ESR1: variants seen among roughly 807,000 people sequenced by gnomAD.
ESR1 encodes estrogen receptor.
In ESR1, 12 loss-of-function variants were observed where a neutral mutation model predicts 52.7. That is an observed-to-expected ratio of 0.23 (90% CI 0.15 to 0.37). The LOEUF (loss-of-function observed/expected upper bound fraction) is 0.37. Ranked by LOEUF, ESR1 falls within the 10% of genes least tolerant of loss-of-function variation. The pLI is 1.00. For missense variants in ESR1, 584 were observed against 779.7 expected (o/e 0.75, Z 2.99); for synonymous variants, 305 against 316.8 (o/e 0.96, Z 0.39).
At chr6:151,708,370 G>A (rs2127994804) in intron 2 of ESR1, among the ~76,000 whole-genome samples, 1 of 152,220 alleles carries the variant, frequency 6.6e-6, no homozygotes, top group African/African-American at 2.4e-5. Context: ...AAAAAGTGCT[G>A]TCATTACAAA....
At position 152,065,294 on chromosome 6, in the gene ESR1, C is replaced by A. The variant is rs146985364; in HGVS notation, c.1369+4170C>A. Among the ~76,000 whole-genome samples, 17 of 152,206 alleles carry A rather than the reference C, an allele frequency of 1.1e-4. No homozygotes were observed. In the East Asian group the frequency reaches 3.3e-3, roughly 29 times the overall value. ...GTGATTGGGACTTACCGTTGAGAGA[C>A]CCTGATGAAAACTCTATGGTGAATT... On this transcript the variant is annotated intron_variant, in intron 6 of 7. Transcript: ENST00000206249.
At chr6:152,107,165 T>A (rs73781639), downstream of ESR1, among the ~76,000 whole-genome samples, 105 of 152,314 alleles carry the variant, frequency 6.9e-4, no homozygotes, top group African/African-American at 2.4e-3. Context: ...TTTCAGCCAT[T>A]GTTTTTTCAA....
chr6:152,080,296 G>A (rs2049086909), intron 6 of ESR1, among the ~76,000 whole-genome samples: 1 of 141,552 alleles, frequency 7.1e-6, no homozygotes, highest in Non-Finnish European at 1.5e-5. Context: ...GGATCTCTCA[G>A]CAGAAACCCT....
chr6:152,026,788 T>G (rs2044180716), intron 5 of ESR1, among the ~76,000 whole-genome samples: 1 of 152,160 alleles, frequency 6.6e-6, no homozygotes, highest in African/African-American at 2.4e-5. Context: ...GCTAGTAACT[T>G]AATTCCTGAG....
At chr6:151,741,268 T>C (rs1783076392) in intron 2 of ESR1, among the ~76,000 whole-genome samples, 1 of 152,178 alleles carries the variant, frequency 6.6e-6, no homozygotes, top group African/African-American at 2.4e-5. Flanking sequence ...TTAGCTTAAA[T>C]GTGTTGCACT....
intron 4 of ESR1, among the ~76,000 whole-genome samples, chr6:151,965,748 C>T (rs1239687769): frequency 6.6e-6 from 1 of 152,042 alleles, no homozygotes; most frequent in Non-Finnish European, 1.5e-5. Context: ...ATAATTTGTA[C>T]ATTTACCCTT....
chr6:151,981,736 T>C (rs1382700279), intron 4 of ESR1, among the ~76,000 whole-genome samples: 1 of 152,238 alleles, frequency 6.6e-6, no homozygotes, highest in Non-Finnish European at 1.5e-5. Flanking sequence ...ATCTGAACTA[T>C]ATTGAACTTT....
In ESR1 at chr6:151,808,353, G is replaced by C. The variant is rs755864450; in HGVS notation, c.441G>C (p.Pro147=). Residue 147 remains proline, a synonymous_variant, in exon 1 of 8, where the codon CCG becomes CCC. Transcript: ENST00000206249. ...ACACGGTGCGCGAGGCCGGCCCGCC[G>C]GCATTCTACAGGTACCCGCGCCCGC... is the stretch of plus-strand genomic sequence containing the variant. ...SGYTVREAGP[P]AFYRPNSDNR... 7 of 1,512,760 alleles carry C rather than the reference G, an allele frequency of 4.6e-6. No homozygotes were observed. The South Asian group carries it at 5.1e-5, about 11-fold the overall frequency. 93.7% of individuals were successfully genotyped at this position (1,512,760 alleles called of 1,614,324 possible). A position where few individuals can be genotyped will look rare whatever the true frequency, so the allele number is the denominator to read the frequency against.
intron 2 of ESR1, among the ~76,000 whole-genome samples, chr6:151,877,965 A>G (rs1792134917): frequency 6.6e-6 from 1 of 151,830 alleles, no homozygotes; most frequent in African/African-American, 2.4e-5. Flanking sequence ...ATGTGCCATC[A>G]TGCCAGGCTA....
chr6:151,809,259 T>A, intron 1 of ESR1: 1 of 407,424 alleles, frequency 2.5e-6, no homozygotes, highest in South Asian at 1.8e-5. Context: ...ACTTTGTGAC[T>A]TCAATGGCGA....
At chr6:151,834,311 A>G (rs1306207685) in intron 1 of ESR1, among the ~76,000 whole-genome samples, 1 of 152,246 alleles carries the variant, frequency 6.6e-6, no homozygotes, top group Non-Finnish European at 1.5e-5. Context: ...ATGCCCATCA[A>G]TGATAGACTG....
At chr6:152,019,197 G>T (rs978033838) in intron 5 of ESR1, among the ~76,000 whole-genome samples, 1 of 152,114 alleles carries the variant, frequency 6.6e-6, no homozygotes, top group Non-Finnish European at 1.5e-5. Flanking sequence ...CATTTGACTA[G>T]AAATCAATTG....
intron 4 of ESR1, among the ~76,000 whole-genome samples, chr6:151,995,345 C>T (rs569997700): frequency 6.6e-6 from 1 of 152,116 alleles, no homozygotes. Flanking sequence ...ATCCATCCAT[C>T]CTTCCATCCA....
intron 2 of ESR1, among the ~76,000 whole-genome samples, chr6:151,876,409 G>A (rs993588460): frequency 6.6e-6 from 1 of 152,142 alleles, no homozygotes; most frequent in African/African-American, 2.4e-5. Context: ...ACGGAAAAGA[G>A]GTGACAAAAG....
At chr6:151,689,399 T>C (rs2982573), upstream of ESR1, among the ~76,000 whole-genome samples, 59,180 of 152,020 alleles carry the variant, frequency 0.39, 11,867 homozygotes, top group Non-Finnish European at 0.43. Flanking sequence ...AGATTTTATG[T>C]TCAGTCAATT....
At chr6:151,816,212 G>T (rs958773775) in intron 1 of ESR1, among the ~76,000 whole-genome samples, 9 of 152,268 alleles carry the variant, frequency 5.9e-5, no homozygotes, top group South Asian at 2.1e-4. Context: ...CAATGCAATG[G>T]TTCAGTATTT....
intron 3 of ESR1, among the ~76,000 whole-genome samples, chr6:151,927,192 T>A (rs2032887487): frequency 6.6e-6 from 1 of 152,186 alleles, no homozygotes; most frequent in Admixed American, 6.5e-5. Flanking sequence ...ATGGAATAAA[T>A]CCCATTTGTT....
chr6:152,018,086 C>G (rs1021041623), intron 5 of ESR1, among the ~76,000 whole-genome samples: 1 of 152,226 alleles, frequency 6.6e-6, no homozygotes, highest in East Asian at 1.9e-4. Context: ...TAGTATTGGA[C>G]AACAGAAAGT....
chr6:151,681,874 T>C (rs907341603), intron 1 of ESR1, among the ~76,000 whole-genome samples: 1 of 152,102 alleles, frequency 6.6e-6, no homozygotes, highest in African/African-American at 2.4e-5. Flanking sequence ...CTGCGACAGT[T>C]GTAGTGATTC....
Sources: allele counts gnomAD v4.1 joint callset (sites outside exome capture counted in the v4.1 genomes callset), GRCh38; gene constraint gnomAD v4.1.1; transcripts MANE v1.5; gene names NCBI Gene and HGNC (gene_info 2026-07-23, HGNC 2026-07-21).